The following LHX8 variants were observed in gnomAD, a reference collection of about 807,000 sequenced individuals.
LHX8 encodes LIM homeobox 8, also known as LIM/homeobox protein Lhx8.
LHX8 carries 12 observed loss-of-function variants against 40.3 expected under a neutral mutation model. The observed-to-expected ratio is 0.30, with a 90% CI of 0.19 to 0.48. LHX8 has a LOEUF of 0.48. LHX8 is among the 20% of genes least tolerant of loss of function. LHX8 has a pLI of 0.99. For synonymous variants in LHX8, 179 were observed against 162.0 expected, an observed-to-expected ratio of 1.10 and a Z score of -0.80; for missense variants, 344 against 433.7, an observed-to-expected ratio of 0.79 and a Z score of 1.84.
chr1:75,164,879 G>A (rs1016057433), downstream of LHX8, among the ~76,000 whole-genome samples: 19 of 151,840 alleles, frequency 1.3e-4, no homozygotes, highest in East Asian at 9.7e-4. Flanking sequence ...ATAATATGAC[G>A]CACAGGCTGG....
the LHX8 span, among the ~76,000 whole-genome samples, chr1:75,190,015 G>T: frequency 6.6e-6 from 1 of 152,136 alleles, no homozygotes; most frequent in East Asian, 1.9e-4. Context: ...GCCTCCAGTT[G>T]CTCACAGCCA....
intron 5 of LHX8, 129 bp from the exon 6 acceptor site, chr1:75,143,716 T>TA: frequency 2.7e-6 from 2 of 729,186 alleles, no homozygotes; most frequent in Non-Finnish European, 5.0e-6. Flanking sequence ...TTTTAAAACT[T>TA]AAGGGGTTTT....
chr1:75,128,800 G>A (rs954432562), intron 1 of LHX8, among the ~76,000 whole-genome samples: 1 of 152,138 alleles, frequency 6.6e-6, no homozygotes, highest in African/African-American at 2.4e-5. Flanking sequence ...CAGCGACAAA[G>A]GAGATGAAAA....
At chr1:75,184,717 C>T in the LHX8 span, among the ~76,000 whole-genome samples, 3 of 151,786 alleles carry the variant, frequency 2.0e-5, no homozygotes, top group African/African-American at 7.3e-5. Flanking sequence ...ACTAAAGAGG[C>T]AAGAGCAACC....
At chr1:75,175,359 C>G in the LHX8 span, among the ~76,000 whole-genome samples, 1 of 152,162 alleles carries the variant, frequency 6.6e-6, no homozygotes, top group South Asian at 2.1e-4. Context: ...TAGATGTACT[C>G]TTAGTTCTTA....
chr1:75,177,389 C>G, the LHX8 span, among the ~76,000 whole-genome samples: 1 of 152,170 alleles, frequency 6.6e-6, no homozygotes, highest in Admixed American at 6.5e-5. Context: ...AGGTCCTTCA[C>G]ATCCCTTGTA....
At chr1:75,141,242 G>A in intron 4 of LHX8, 136 bp downstream of exon 4, 1 of 893,752 alleles carries the variant, frequency 1.1e-6, no homozygotes, top group Non-Finnish European at 1.7e-6. Context: ...CAAAATGAGG[G>A]TGCTTTCCTG....
chr1:75,174,252 C>T, the LHX8 span, among the ~76,000 whole-genome samples: 1 of 152,120 alleles, frequency 6.6e-6, no homozygotes, highest in South Asian at 2.1e-4. Flanking sequence ...ATCTACCCTG[C>T]CCCCTATCCT....
At chr1:75,130,659 G>T, upstream of LHX8, 1 of 1,523,634 alleles carries the variant, frequency 6.6e-7, no homozygotes, top group Non-Finnish European at 9.1e-7. Context: ...AACGGAGTCT[G>T]GGACCGGTAA....
In LHX8 at chr1:75,140,977, C is replaced by T; in HGVS notation, c.238-8C>T. ...ATGATATTACAATGGCTTCTCTTCC[C>T]TTCACAGGTGAATGACCTATGCTGG... On this transcript the variant is annotated splice_polypyrimidine_tract_variant and splice_region_variant and intron_variant, in intron 3 of 8. Transcript: ENST00000356261. The T allele has an allele frequency of 6.2e-7, 1 of 1,613,394 alleles. No individual in the cohort carries two copies. Among genetic ancestry groups the T allele is most frequent in the Non-Finnish European group, 8.5e-7 (1 of 1,179,506 alleles).
chr1:75,148,539 G>A (rs1376783118), intron 6 of LHX8, 48 bp from the exon 7 acceptor site: 2 of 1,269,694 alleles, frequency 1.6e-6, no homozygotes, highest in Non-Finnish European at 1.2e-6. Flanking sequence ...GAAGAAGACT[G>A]AGCTGCTTGT....
At chr1:75,189,091 A>G in the LHX8 span, among the ~76,000 whole-genome samples, 5 of 152,344 alleles carry the variant, frequency 3.3e-5, no homozygotes, top group African/African-American at 1.2e-4. Flanking sequence ...ACTATCCCCT[A>G]GAGATGGTAT....
chr1:75,138,731 T>C (rs1648222377), intron 3 of LHX8, among the ~76,000 whole-genome samples: 2 of 152,174 alleles, frequency 1.3e-5, no homozygotes, highest in Non-Finnish European at 2.9e-5. Context: ...TATGATGAAG[T>C]GACATTTAAC....
chr1:75,137,424 G>A (rs1648182485), intron 3 of LHX8, among the ~76,000 whole-genome samples, 163 bp downstream of exon 3: 1 of 152,142 alleles, frequency 6.6e-6, no homozygotes, highest in African/African-American at 2.4e-5. Flanking sequence ...TCATGCGGTG[G>A]GATAAAGTGA....
At position 75,156,935 on chromosome 1, in the gene LHX8, A is replaced by G; in HGVS notation, c.823A>G (p.Ser275Gly). 6.2e-7 allele frequency: 1 copy of G among 1,614,206 alleles called. No homozygotes were observed. The highest frequency in any genetic ancestry group is 8.5e-7 in the Non-Finnish European group (1 of 1,180,022). The stretch of plus-strand genomic sequence containing the variant: ...TAGAGCACGCCACAAGAAACACGTC[A>G]GTCCTAATCACTCATCCTCCACCCC... Reference protein sequence around the residue: ...NCRARHKKHVSPNHSSSTPVT... With the variant: ...NCRARHKKHVGPNHSSSTPVT... The change falls in exon 8 of 9, where the codon AGT becomes GGT. Residue 275 changes from serine to glycine, a missense_variant. This residue lies in a region of LHX8 where 89 missense variants were observed against 92.8 expected (regional missense o/e 0.96). Transcript: ENST00000356261.
Position 75,157,056 on chromosome 1 carries a change from C to A in LHX8, c.944C>A (p.Ala315Glu), listed in dbSNP as rs34889650. The A allele has an allele frequency of 1.2e-6, 2 of 1,614,108 alleles. No homozygotes were observed. The highest frequency in any genetic ancestry group is 1.7e-5 in the Admixed American group (1 of 60,012). ...YVPQDGTMLT[A>E]LHSYMDAHSP... ...CCCCAAGATGGAACGATGTTAACTGCGCTGCATAGTTATATGGATGGTAGG... is the reference window on the plus strand; with the variant it reads ...CCCCAAGATGGAACGATGTTAACTGAGCTGCATAGTTATATGGATGGTAGG... Residue 315 changes from alanine (A) to glutamate (E), a missense_variant, in exon 8 of 9, where the codon GCG (alanine) becomes GAG (glutamate). Ala to Glu is a moderately radical substitution (Grantham distance 107). Coordinates refer to ENST00000356261, the MANE Select transcript of LHX8 (RefSeq NM_001256114.2).
the LHX8 span, among the ~76,000 whole-genome samples, chr1:75,190,103 C>G: frequency 7.2e-5 from 11 of 152,210 alleles, no homozygotes; most frequent in South Asian, 2.3e-3. Context: ...GAGCTGAACA[C>G]AGATGAGATA....
In LHX8 at chr1:75,136,611, G is replaced by A; in HGVS notation, c.-4G>A. On this transcript the variant is annotated 5_prime_UTR_variant, in exon 2 of 9. Transcript: ENST00000356261. ...CCCCTCCTACTCCGCAGTGTCAGGG[G>A]CTCATGTCAGAGGAGTGCGGGCGGA... 2 of 1,549,912 alleles carry A rather than the reference G, an allele frequency of 1.3e-6. No homozygotes were observed. Among genetic ancestry groups the A allele is most frequent in the Non-Finnish European group, 1.7e-6 (2 of 1,146,416 alleles).
the LHX8 span, among the ~76,000 whole-genome samples, chr1:75,178,065 G>T: frequency 6.6e-6 from 1 of 152,196 alleles, no homozygotes; most frequent in African/African-American, 2.4e-5. Flanking sequence ...TGTGCTGCTG[G>T]ATTCAGTCTG....
Sources: allele counts gnomAD v4.1 joint callset (sites outside exome capture counted in the v4.1 genomes callset), GRCh38; gene constraint gnomAD v4.1.1; regional missense constraint gnomAD v4.1.1; transcripts MANE v1.5; gene names NCBI Gene and HGNC (gene_info 2026-07-23, HGNC 2026-07-21).